Variants in XPOT observed in about 807,000 individuals in gnomAD.
The protein encoded by XPOT is exportin for tRNA, also known as exportin-T.
XPOT carries 34 observed loss-of-function variants against 128.2 expected under a neutral mutation model. The observed-to-expected ratio is 0.27, with a 90% CI of 0.20 to 0.35. XPOT has a LOEUF of 0.35. Among genes scored for constraint, XPOT ranks in the 10% least tolerant of loss-of-function variants. XPOT has a pLI of 1.00. For synonymous variants in XPOT, 348 were observed against 394.3 expected (o/e 0.88, Z 1.39); for missense variants, 838 against 1,125.3 (o/e 0.74, Z 3.65).
At chr12:64,430,336 C>G (rs1170076911) in intron 17 of XPOT, 49 bp downstream of exon 17, 1 of 1,397,038 alleles carries the variant, frequency 7.2e-7, no homozygotes, top group East Asian at 2.4e-5. Context: ...TCTACACAGA[C>G]AGAACCACTT....
chr12:64,428,451 T>A (rs943483565), intron 16 of XPOT, among the ~76,000 whole-genome samples: 2 of 152,122 alleles, frequency 1.3e-5, no homozygotes, highest in South Asian at 2.1e-4. Context: ...AATAAAAATT[T>A]AAAAAATTCA....
At chr12:64,439,618 T>TA (rs1490816015) in intron 23 of XPOT, among the ~76,000 whole-genome samples, 3 of 152,276 alleles carry the variant, frequency 2.0e-5, no homozygotes, top group East Asian at 1.9e-4. Flanking sequence ...ATGCATTTTT[T>TA]TAAAAAAACA....
intron 17 of XPOT, among the ~76,000 whole-genome samples, 154 bp downstream of exon 17, chr12:64,430,441 TGAA>T (rs1235089141): frequency 6.6e-6 from 1 of 152,250 alleles, no homozygotes; most frequent in African/African-American, 2.4e-5. Context: ...TAGATTTGGT[TGAA>T]GAAGGGGATA....
Position 64,448,446 on chromosome 12 carries a change from G to GA in XPOT, c.*319dup, listed in dbSNP as rs1256140307. 1 of 247,590 alleles carries GA rather than the reference G, an allele frequency of 4.0e-6. No homozygotes were observed. The highest frequency in any genetic ancestry group is 2.2e-5 in the African/African-American group (1 of 44,818). The allele number at this position is 247,590 out of a possible 1,614,324, so 15.3% of individuals were successfully genotyped here. ...GTCCTTTATAAAGACCATAGCAGTG[G>GA]AAAACAGTGTACTTTTTAAAAAATT... On this transcript the variant is annotated 3_prime_UTR_variant, in exon 25 of 25. Transcript: ENST00000332707.
intron 23 of XPOT, chr12:64,442,466 C>T (rs994770518): frequency 6.6e-6 from 1 of 152,326 alleles, no homozygotes; most frequent in Non-Finnish European, 1.5e-5. Flanking sequence ...CAAGGTAACC[C>T]CATATCAATT....
intron 24 of XPOT, among the ~76,000 whole-genome samples, chr12:64,446,716 C>G (rs973321756): frequency 4.6e-5 from 7 of 151,662 alleles, no homozygotes; most frequent in African/African-American, 1.5e-4. Flanking sequence ...TTCAAAAATC[C>G]TGCCTTACTA....
In XPOT at chr12:64,424,620, G is replaced by A. The variant is rs777875641; in HGVS notation, c.1204G>A (p.Val402Ile). 86 of 1,611,934 alleles carry A rather than the reference G, an allele frequency of 5.3e-5. No individual in the cohort carries two copies. Among genetic ancestry groups the A allele is most frequent in the Non-Finnish European group, 7.0e-5 (83 of 1,179,876 alleles). The change falls in exon 12 of 25, where the codon GTA becomes ATA. Residue 402 changes from valine (V) to isoleucine (I), a missense_variant. This residue lies in a region of XPOT where 761 missense variants were observed against 988.3 expected (regional missense o/e 0.77). Transcript: ENST00000332707. Reference protein sequence around the residue: ...ENEGEDEAMFVEYRKQLKLLL... With the variant: ...ENEGEDEAMFIEYRKQLKLLL... ...ATAGGGTGAAGATGAAGCCATGTTT[G>A]TAGAATATAGAAAACAACTGAAGTT... is the stretch of plus-strand genomic sequence containing the variant.
rs1332674279 is a variant in XPOT at position 64,450,245 on chromosome 12, A to G, written c.*2114A>G. 1.3e-5 allele frequency: 2 copies of G among 151,120 alleles called. No individual in the cohort carries two copies. Among genetic ancestry groups the G allele is most frequent in the Non-Finnish European group, 2.9e-5 (2 of 67,930 alleles). The allele number at this position is 151,120 out of a possible 1,614,324, so 9.4% of individuals were successfully genotyped here. A position where few individuals can be genotyped will look rare whatever the true frequency, so the allele number is the denominator to read the frequency against. The stretch of plus-strand genomic sequence containing the variant: ...ATCATAGCTCACTGTAACTTCTCCC[A>G]TACTCTACCAATCCTCCTGCCTCAG... On this transcript the variant is annotated 3_prime_UTR_variant, in exon 25 of 25. Transcript: ENST00000332707.
At position 64,421,834 on chromosome 12, in the gene XPOT, C is replaced by T. The variant is rs1266865638; in HGVS notation, c.1080+363C>T. ...AACAATTTTTTTTTCTTTTTTGAGACGGAGTTTTGCTGTTGTTGCCCAGGC... is the reference window on the plus strand; with the variant it reads ...AACAATTTTTTTTTCTTTTTTGAGATGGAGTTTTGCTGTTGTTGCCCAGGC... On this transcript the variant is annotated intron_variant, in intron 9 of 24. Transcript: ENST00000332707. Among the ~76,000 whole-genome samples the T allele has an allele frequency of 2.2e-4, 33 of 151,268 alleles. No individual in the cohort carries two copies. In the South Asian group the frequency reaches 4.6e-3, roughly 21 times the overall value.
At chr12:64,433,644 G>GT (rs1265859852) in intron 19 of XPOT, 41 bp downstream of exon 19, 2 of 1,533,562 alleles carry the variant, frequency 1.3e-6, no homozygotes, top group African/African-American at 2.7e-5. Flanking sequence ...GCTTAAGTCT[G>GT]TGTCACTGTT....
intron 1 of XPOT, among the ~76,000 whole-genome samples, chr12:64,405,714 G>A (rs1368104441): frequency 6.6e-6 from 1 of 152,110 alleles, no homozygotes; most frequent in Non-Finnish European, 1.5e-5. Flanking sequence ...TGCCTCCCAG[G>A]TTCAAGTGAT....
At chr12:64,410,220 A>G in intron 2 of XPOT, 125 bp downstream of exon 2, 1 of 763,132 alleles carries the variant, frequency 1.3e-6, no homozygotes, top group African/African-American at 1.8e-5. Context: ...AAAAAATTTG[A>G]GGTATTTGAA....
chr12:64,432,250 CT>C (rs1565801643), intron 18 of XPOT, among the ~76,000 whole-genome samples: 16 of 147,858 alleles, frequency 1.1e-4, no homozygotes, highest in Admixed American at 6.8e-5. Flanking sequence ...TTCCTTTTTT[CT>C]TTTTTTTTTA....
intron 15 of XPOT, among the ~76,000 whole-genome samples, chr12:64,427,017 A>G (rs2040198133): frequency 6.6e-6 from 1 of 152,098 alleles, no homozygotes; most frequent in South Asian, 2.1e-4. Context: ...ATAAAAAAAA[A>G]GTAGACATAT....
rs1180807882 is a variant in XPOT, at chr12:64,449,648, C to A, written c.*1517C>A. On this transcript the variant is annotated 3_prime_UTR_variant, in exon 25 of 25. Transcript: ENST00000332707. ...TCCAGAAGACATTTCAAACATTTTTCTTACACCATATAATAAAAATACTTA... is the reference window on the plus strand; with the variant it reads ...TCCAGAAGACATTTCAAACATTTTTATTACACCATATAATAAAAATACTTA... 1 of 152,112 alleles carries A rather than the reference C, an allele frequency of 6.6e-6. No individual in the cohort carries two copies. Among genetic ancestry groups the A allele is most frequent in the Non-Finnish European group, 1.5e-5 (1 of 67,998 alleles). The allele number at this position is 152,112 out of a possible 1,614,324, so 9.4% of individuals were successfully genotyped here.
intron 22 of XPOT, among the ~76,000 whole-genome samples, chr12:64,436,113 T>C (rs1266975283): frequency 1.3e-5 from 2 of 151,990 alleles, no homozygotes; most frequent in African/African-American, 4.8e-5. Context: ...CCCGCCACCA[T>C]GCCCGGCTGA....
chr12:64,448,261 A>C lies in XPOT; in HGVS notation c.*130A>C. ...AGCTTATTGCAGTATATGTTTTGGGATTTTTCTGTAAAATGGGTGTAATTT... is the reference window on the plus strand; with the variant it reads ...AGCTTATTGCAGTATATGTTTTGGGCTTTTTCTGTAAAATGGGTGTAATTT... On this transcript the variant is annotated 3_prime_UTR_variant, in exon 25 of 25. Coordinates refer to ENST00000332707, the MANE Select transcript of XPOT (RefSeq NM_007235.6). The C allele has an allele frequency of 1.1e-6, 1 of 927,892 alleles. No homozygotes were observed. The allele number at this position is 927,892 out of a possible 1,614,324, so 57.5% of individuals were successfully genotyped here. A position where few individuals can be genotyped will look rare whatever the true frequency, so the allele number is the denominator to read the frequency against.
chr12:64,422,528 G>A (rs562078901), intron 9 of XPOT, among the ~76,000 whole-genome samples: 4 of 152,254 alleles, frequency 2.6e-5, no homozygotes, highest in African/African-American at 9.6e-5. Context: ...TTGATCTTAG[G>A]TTAGGTATAT....
chr12:64,444,849 T>C (rs2040355144), intron 23 of XPOT, among the ~76,000 whole-genome samples: 4 of 152,060 alleles, frequency 2.6e-5, no homozygotes, highest in Admixed American at 2.6e-4. Context: ...GACTTATGCC[T>C]GTAATTCCAG....
Sources: allele counts gnomAD v4.1 joint callset (sites outside exome capture counted in the v4.1 genomes callset), GRCh38; gene constraint gnomAD v4.1.1; regional missense constraint gnomAD v4.1.1; transcripts MANE v1.5; gene names NCBI Gene and HGNC (gene_info 2026-07-23, HGNC 2026-07-21).